TCF7L2: variants seen among roughly 807,000 people sequenced by gnomAD.
TCF7L2 encodes transcription factor 7 like 2.
A neutral mutation model predicts 77.9 loss-of-function variants in TCF7L2; 23 were observed. The ratio of observed to expected loss-of-function variants is 0.30; its 90% CI spans 0.21 to 0.42. TCF7L2 has a LOEUF of 0.42. TCF7L2 is among the 10% of genes least tolerant of loss of function. TCF7L2 has a pLI of 1.00. For synonymous variants in TCF7L2, 413 were observed against 340.2 expected, an observed-to-expected ratio of 1.21 and a Z score of -2.36; for missense variants, 654 against 793.1, an observed-to-expected ratio of 0.82 and a Z score of 2.11.
intron 5 of TCF7L2, among the ~76,000 whole-genome samples, chr10:113,059,563 C>T (rs768741481): frequency 2.6e-5 from 4 of 152,008 alleles, no homozygotes; most frequent in Non-Finnish European, 5.9e-5. Context: ...TTTCAGCTCA[C>T]GGTGGACTGT....
At chr10:113,063,845 G>A (rs1454191529) in intron 5 of TCF7L2, among the ~76,000 whole-genome samples, 1 of 151,996 alleles carries the variant, frequency 6.6e-6, no homozygotes, top group Non-Finnish European at 1.5e-5. Flanking sequence ...GCATGAGGAA[G>A]AGTAGGCAGT....
intron 5 of TCF7L2, among the ~76,000 whole-genome samples, chr10:113,133,517 T>G (rs2136595785): frequency 6.6e-6 from 1 of 152,208 alleles, no homozygotes; most frequent in South Asian, 2.1e-4. Context: ...AGCTGGGTGG[T>G]TATAGTATAG....
At chr10:112,982,084 A>G (rs943945090) in intron 4 of TCF7L2, among the ~76,000 whole-genome samples, 1 of 152,170 alleles carries the variant, frequency 6.6e-6, no homozygotes, top group Admixed American at 6.5e-5. Flanking sequence ...CGATCTTCCC[A>G]TTCTATGTAT....
At chr10:113,065,963 C>A (rs893559518) in intron 5 of TCF7L2, among the ~76,000 whole-genome samples, 1 of 152,016 alleles carries the variant, frequency 6.6e-6, no homozygotes, top group Non-Finnish European at 1.5e-5. Flanking sequence ...GGTTTGTGTC[C>A]GTGCATGAAA....
At position 113,166,592 on chromosome 10, in the gene TCF7L2, C is replaced by T. The variant is rs1425956112; in HGVS notation, c.*620C>T. ...TCTTTTGGGGGGAGGGGACGCTACTCAACACTTAATAGAATCACAACGCTG... is the reference window on the plus strand; with the variant it reads ...TCTTTTGGGGGGAGGGGACGCTACTTAACACTTAATAGAATCACAACGCTG... On this transcript the variant is annotated 3_prime_UTR_variant, in exon 14 of 14. Transcript: ENST00000627217. The T allele has an allele frequency of 8.7e-6, 2 of 228,632 alleles. No homozygotes were observed. The highest frequency in any genetic ancestry group is 1.7e-5 in the Non-Finnish European group (2 of 115,264). The allele number at this position is 228,632 out of a possible 1,614,324, so 14.2% of individuals were successfully genotyped here. A position where few individuals can be genotyped will look rare whatever the true frequency, so the allele number is the denominator to read the frequency against.
chr10:112,975,353 G>A (rs993809913), intron 4 of TCF7L2, among the ~76,000 whole-genome samples: 2 of 152,156 alleles, frequency 1.3e-5, no homozygotes, highest in African/African-American at 4.8e-5. Flanking sequence ...AGTAGTAGGG[G>A]CTGGATGAGA....
At chr10:113,126,591 G>T (rs919788354) in intron 5 of TCF7L2, 2 of 985,018 alleles carry the variant, frequency 2.0e-6, no homozygotes, top group African/African-American at 1.7e-5. Flanking sequence ...CCTCCCTTTT[G>T]TGGGGGGGTG....
chr10:113,115,398 G>A (rs2063588695), intron 5 of TCF7L2, among the ~76,000 whole-genome samples: 1 of 152,134 alleles, frequency 6.6e-6, no homozygotes, highest in African/African-American at 2.4e-5. Context: ...GAGTTTTCCT[G>A]AATTTTTTCC....
intron 5 of TCF7L2, among the ~76,000 whole-genome samples, chr10:113,098,408 T>TA (rs2061290616): frequency 6.6e-6 from 1 of 152,036 alleles, no homozygotes; most frequent in Non-Finnish European, 1.5e-5. Context: ...GATTTTTATT[T>TA]AAAAAATTGT....
intron 5 of TCF7L2, among the ~76,000 whole-genome samples, chr10:113,131,396 T>C (rs1462234234): frequency 6.6e-6 from 1 of 152,216 alleles, no homozygotes; most frequent in Admixed American, 6.5e-5. Context: ...CAATCTAGGA[T>C]TGTGTAAACT....
intron 5 of TCF7L2, among the ~76,000 whole-genome samples, chr10:113,043,684 C>G (rs1290009672): frequency 1.3e-5 from 2 of 152,090 alleles, no homozygotes; most frequent in Non-Finnish European, 2.9e-5. Flanking sequence ...CCCCCACCCC[C>G]CAGCCTCCCC....
At chr10:113,067,720 A>G (rs1018078524) in intron 5 of TCF7L2, among the ~76,000 whole-genome samples, 2 of 152,166 alleles carry the variant, frequency 1.3e-5, no homozygotes, top group African/African-American at 2.4e-5. Context: ...GAAACTTGCC[A>G]TGTGACCTTG....
In TCF7L2 at chr10:112,950,299, T is replaced by A. The variant is rs185303710; in HGVS notation, c.-458T>A. On this transcript the variant is annotated 5_prime_UTR_variant, in exon 1 of 14. Coordinates refer to ENST00000627217, the MANE Select transcript of TCF7L2 (RefSeq NM_001146274.2). ...CCGTTCCTCCGGATTTCGATCCCCC[T>A]TTTTCTATCTGTCAATCAGCGCCGC... 4.3e-6 allele frequency: 1 copy of A among 230,432 alleles called. No individual in the cohort carries two copies. Among genetic ancestry groups the A allele is most frequent in the Non-Finnish European group, 8.6e-6 (1 of 116,884 alleles). The allele number at this position is 230,432 out of a possible 1,614,324, so 14.3% of individuals were successfully genotyped here.
chr10:113,033,991 T>G (rs1590784182), intron 4 of TCF7L2, among the ~76,000 whole-genome samples: 1 of 152,218 alleles, frequency 6.6e-6, no homozygotes, highest in East Asian at 1.9e-4. Flanking sequence ...TAATCACAAC[T>G]TCTTGTATTT....
At chr10:113,034,029 G>A (rs904025638) in intron 4 of TCF7L2, among the ~76,000 whole-genome samples, 13 of 152,124 alleles carry the variant, frequency 8.5e-5, no homozygotes, top group Admixed American at 2.6e-4. Flanking sequence ...TTGGGATTCC[G>A]TGACGCCCAG....
intron 4 of TCF7L2, among the ~76,000 whole-genome samples, chr10:113,034,284 T>G (rs1043033372): frequency 6.6e-6 from 1 of 152,244 alleles, no homozygotes; most frequent in African/African-American, 2.4e-5. Context: ...GAGTGGCTTC[T>G]GATCGTCTTT....
At chr10:113,064,290 G>C (rs892759919) in intron 5 of TCF7L2, among the ~76,000 whole-genome samples, 3 of 152,192 alleles carry the variant, frequency 2.0e-5, no homozygotes, top group Non-Finnish European at 4.4e-5. Flanking sequence ...GGCTGCAGAG[G>C]TATTTACCAG....
intron 4 of TCF7L2, among the ~76,000 whole-genome samples, chr10:112,983,866 CAGTT>C (rs1408980893): frequency 2.6e-5 from 4 of 152,204 alleles, no homozygotes; most frequent in African/African-American, 9.7e-5. Context: ...AGGAAGCAAT[CAGTT>C]AGTGGCCACG....
chr10:113,159,506 C>T (rs1048114789), intron 12 of TCF7L2, among the ~76,000 whole-genome samples: 6 of 151,818 alleles, frequency 4.0e-5, no homozygotes, highest in East Asian at 1.9e-4. Context: ...TTCCCTCCTT[C>T]GCTTTATTTT....
Sources: allele counts gnomAD v4.1 joint callset (sites outside exome capture counted in the v4.1 genomes callset), GRCh38; gene constraint gnomAD v4.1.1; transcripts MANE v1.5; gene names NCBI Gene and HGNC (gene_info 2026-07-23, HGNC 2026-07-21).